The following SQOR variants were observed in gnomAD, a reference collection of about 807,000 sequenced individuals.
SQOR encodes sulfide:quinone oxidoreductase, mitochondrial.
Under a neutral mutation model 48.6 loss-of-function variants are expected in SQOR, and 39 were observed. The observed-to-expected ratio is 0.80, with a 90% CI of 0.62 to 1.05. The LOEUF (loss-of-function observed/expected upper bound fraction) is 1.05, where lower values mean the gene tolerates loss of function less well. Ranked by LOEUF, SQOR falls within the 50% of genes least tolerant of loss-of-function variation. SQOR has a pLI of 0.00. For synonymous variants in SQOR, 220 were observed against 206.2 expected, an observed-to-expected ratio of 1.07 and a Z score of -0.57; for missense variants, 561 against 559.9, an observed-to-expected ratio of 1.00 and a Z score of -0.02.
chr15:45,688,909 G>A, intron 8 of SQOR, 130 bp from the exon 9 acceptor site: 1 of 729,300 alleles, frequency 1.4e-6, no homozygotes, highest in Non-Finnish European at 2.2e-6. Flanking sequence ...ATTTTTCACA[G>A]TACAAAAAGC....
intron 9 of SQOR, chr15:45,689,425 T>TG: frequency 4.8e-6 from 2 of 414,446 alleles, no homozygotes; most frequent in East Asian, 9.0e-5. Context: ...TACTTTTTTT[T>TG]TTTTTTTTTT....
At chr15:45,685,451 C>T (rs1890206413) in intron 7 of SQOR, among the ~76,000 whole-genome samples, 1 of 152,138 alleles carries the variant, frequency 6.6e-6, no homozygotes, top group African/African-American at 2.4e-5. Flanking sequence ...TTCTCTCTGC[C>T]CCAGGATGCT....
chr15:45,678,247 C>T (rs923883460), intron 6 of SQOR, among the ~76,000 whole-genome samples: 1 of 152,180 alleles, frequency 6.6e-6, no homozygotes, highest in Non-Finnish European at 1.5e-5. Context: ...TCAAGTCTCC[C>T]CACTAGAGTT....
At chr15:45,677,933 G>C (rs12911462) in intron 6 of SQOR, among the ~76,000 whole-genome samples, 98,003 of 151,972 alleles carry the variant, frequency 0.64, 33,469 homozygotes, top group Middle Eastern at 0.81. Context: ...GTCTCGAACT[G>C]CTGACCTCAA....
At chr15:45,654,784 G>A (rs1041920730) in intron 1 of SQOR, among the ~76,000 whole-genome samples, 5 of 152,130 alleles carry the variant, frequency 3.3e-5, no homozygotes, top group Non-Finnish European at 7.4e-5. Context: ...AGACGTGGCC[G>A]GTGGTGGATA....
At chr15:45,686,134 C>T (rs1890219845) in intron 7 of SQOR, among the ~76,000 whole-genome samples, 1 of 150,220 alleles carries the variant, frequency 6.7e-6, no homozygotes. Context: ...GCATTAGCCA[C>T]TGTGCTTGGC....
Position 45,650,044 on chromosome 15 carries a change from T to C in SQOR, c.-17-8863T>C, listed in dbSNP as rs978470056. 6.6e-5 allele frequency among the ~76,000 whole-genome samples: 10 copies of C among 152,004 alleles called. 1 individual carries two copies. Among genetic ancestry groups the C allele is most frequent in the East Asian group, 1.9e-4 (1 of 5,156 alleles). On this transcript the variant is annotated intron_variant, in intron 1 of 9. Coordinates refer to ENST00000260324, the MANE Select transcript of SQOR (RefSeq NM_021199.4). ...TTTTAGTAGAGATGCGGTTTCACCA[T>C]GTTGGCCAGGCTGGTCTTTAACTCA...
intron 1 of SQOR, among the ~76,000 whole-genome samples, chr15:45,643,579 G>C (rs593126): frequency 6.6e-6 from 1 of 152,040 alleles, no homozygotes; most frequent in Non-Finnish European, 1.5e-5. Flanking sequence ...TACATATTTA[G>C]CATAGCTAAA....
chr15:45,667,190 T>C (rs1263965491), intron 3 of SQOR, among the ~76,000 whole-genome samples: 1 of 128,474 alleles, frequency 7.8e-6, no homozygotes, highest in Non-Finnish European at 1.6e-5. Flanking sequence ...CAGGCTGGAG[T>C]GCAGTGGTGA....
At chr15:45,632,736 G>A (rs1472407437), upstream of SQOR, among the ~76,000 whole-genome samples, 3 of 152,040 alleles carry the variant, frequency 2.0e-5, no homozygotes, top group Admixed American at 2.0e-4. Context: ...ATTTGGGAGA[G>A]AGTCTATTGG....
At chr15:45,672,793 C>G (rs374746512) in intron 4 of SQOR, among the ~76,000 whole-genome samples, 2 of 152,308 alleles carry the variant, frequency 1.3e-5, no homozygotes, top group East Asian at 3.9e-4. Flanking sequence ...TGCATGTGTC[C>G]TGTACATGCA....
At chr15:45,672,135 G>C (rs759340262) in intron 4 of SQOR, among the ~76,000 whole-genome samples, 9 of 152,096 alleles carry the variant, frequency 5.9e-5, no homozygotes, top group Non-Finnish European at 1.2e-4. Context: ...GTTTCTGCTT[G>C]TTTATCTCTT....
At chr15:45,683,393 A>G (rs1890158624) in intron 7 of SQOR, among the ~76,000 whole-genome samples, 1 of 152,262 alleles carries the variant, frequency 6.6e-6, no homozygotes, top group Non-Finnish European at 1.5e-5. Context: ...TCCTGTTAAG[A>G]CAAATACAGT....
chr15:45,658,691 A>G (rs1372966433), intron 1 of SQOR, among the ~76,000 whole-genome samples: 2 of 152,190 alleles, frequency 1.3e-5, no homozygotes, highest in African/African-American at 4.8e-5. Flanking sequence ...CGTAGGCGGA[A>G]GGGGAGAAAT....
At chr15:45,648,562 G>A (rs577750412) in intron 1 of SQOR, among the ~76,000 whole-genome samples, 26 of 152,328 alleles carry the variant, frequency 1.7e-4, no homozygotes, top group African/African-American at 6.0e-4. Context: ...ACTGATAATA[G>A]CATTAGGGCT....
intron 6 of SQOR, among the ~76,000 whole-genome samples, chr15:45,679,098 G>A (rs1277843569): frequency 6.6e-6 from 1 of 152,078 alleles, no homozygotes; most frequent in Admixed American, 6.6e-5. Context: ...GTAGGGGTGT[G>A]GATAAATGAA....
At chr15:45,670,494 G>A (rs1217933399) in intron 4 of SQOR, among the ~76,000 whole-genome samples, 1 of 152,162 alleles carries the variant, frequency 6.6e-6, no homozygotes, top group Non-Finnish European at 1.5e-5. Flanking sequence ...TCAGATCCCC[G>A]TTTTCAGTGA....
rs769286196 is a variant in SQOR at position 45,662,026 on chromosome 15, C to T, written c.306C>T (p.Pro102=). ...GAKQLSSSGR[P]TASVIPSGVE... is the part of the protein sequence containing the mutation. ...AACAATTGTCCTCATCTGGTCGTCC[C>T]ACGGCAAGTGTGATTCCATCTGGTG... is the stretch of plus-strand genomic sequence containing the variant. The change falls in exon 3 of 10, where the codon CCC becomes CCT. Residue 102 remains proline (P), a synonymous_variant. Transcript: ENST00000260324. 6.2e-7 allele frequency: 1 copy of T among 1,614,170 alleles called. No individual in the cohort carries two copies. Among genetic ancestry groups the T allele is most frequent in the Non-Finnish European group, 8.5e-7 (1 of 1,180,026 alleles).
Position 45,658,953 on chromosome 15 carries a change from G to C in SQOR, c.30G>C (p.Gly10=), listed in dbSNP as rs200945908. The C allele has an allele frequency of 6.4e-7, 1 of 1,573,796 alleles. No homozygotes were observed. Among genetic ancestry groups the C allele is most frequent in the East Asian group, 2.3e-5 (1 of 43,740 alleles). Residue 10 remains glycine, a synonymous_variant, in exon 2 of 10, where the codon GGG becomes GGC. Transcript: ENST00000260324. ...TGCCACTGGTGGCTGTGGTATCAGG[G>C]CCCCGTGCCCAGCTCTTTGCCTGCC... MVPLVAVVS[G]PRAQLFACLL... is the part of the protein sequence containing the mutation.
Sources: allele counts gnomAD v4.1 joint callset (sites outside exome capture counted in the v4.1 genomes callset), GRCh38; gene constraint gnomAD v4.1.1; transcripts MANE v1.5; gene names NCBI Gene and HGNC (gene_info 2026-07-23, HGNC 2026-07-21).